Variants in ANAPC5 observed in about 807,000 individuals in gnomAD.
ANAPC5 encodes the protein anaphase promoting complex subunit 5, also known as anaphase-promoting complex subunit 5.
In ANAPC5, 60 loss-of-function variants were observed where a neutral mutation model predicts 91.3. The ratio of observed to expected loss-of-function variants is 0.66; its 90% CI spans 0.53 to 0.81. The LOEUF is 0.81. ANAPC5 is among the 40% of genes least tolerant of loss of function. The pLI is 0.00. For synonymous variants in ANAPC5, 340 were observed against 364.1 expected (o/e 0.93, Z 0.75); for missense variants, 690 against 931.5 (o/e 0.74, Z 3.37).
intron 15 of ANAPC5, among the ~76,000 whole-genome samples, chr12:121,315,723 T>C (rs1056777908): frequency 6.6e-6 from 1 of 152,148 alleles, no homozygotes; most frequent in African/African-American, 2.4e-5. Flanking sequence ...CTTCAACAAA[T>C]GGTGCTAGAA....
intron 5 of ANAPC5, among the ~76,000 whole-genome samples, chr12:121,338,153 G>A (rs1401018033): frequency 1.3e-5 from 2 of 151,544 alleles, no homozygotes; most frequent in African/African-American, 2.4e-5. Context: ...GCTGAGGCAT[G>A]AGTATCGCTT....
chr12:121,321,287 A>G (rs1394444536), intron 11 of ANAPC5, among the ~76,000 whole-genome samples: 5 of 151,838 alleles, frequency 3.3e-5, no homozygotes, highest in Non-Finnish European at 5.9e-5. Context: ...CACGTAAGAC[A>G]TATCCATTCT....
chr12:121,339,751 G>A (rs1312791924), intron 5 of ANAPC5, among the ~76,000 whole-genome samples: 1 of 152,096 alleles, frequency 6.6e-6, no homozygotes, highest in Admixed American at 6.6e-5. Flanking sequence ...TTACAGGCAT[G>A]AGCTGCCACG....
chr12:121,331,454 C>G, intron 7 of ANAPC5, 26 bp from the exon 8 acceptor site: 2 of 1,569,164 alleles, frequency 1.3e-6, no homozygotes, highest in Non-Finnish European at 1.8e-6. Context: ...ACATTAATAT[C>G]CCATTAATAA....
rs1158505610 is a variant in ANAPC5, at chr12:121,337,284, GACTT to G, written c.759+3_759+6del. 1 of 1,608,856 alleles carries G rather than the reference GACTT, an allele frequency of 6.2e-7. No homozygotes were observed. The highest frequency in any genetic ancestry group is 8.5e-7 in the Non-Finnish European group (1 of 1,176,176). On this transcript the variant is annotated splice_donor_5th_base_variant and intron_variant, in intron 6 of 16. Transcript: ENST00000261819. ...CAACACAGCAACAAATTCTGGGAAA[GACTT>G]ACCGCTTCAGCAAAATCAGGATTAA...
At chr12:121,337,739 G>A (rs1421493954) in intron 5 of ANAPC5, among the ~76,000 whole-genome samples, 1 of 152,052 alleles carries the variant, frequency 6.6e-6, no homozygotes, top group African/African-American at 2.4e-5. Context: ...CTAGATGAAG[G>A]TGAGATCCTA....
chr12:121,341,284 A>G (rs1903449359), intron 5 of ANAPC5, among the ~76,000 whole-genome samples: 1 of 152,222 alleles, frequency 6.6e-6, no homozygotes, highest in Non-Finnish European at 1.5e-5. Context: ...AGCCTGGCCA[A>G]TGTGGTGAAA....
At chr12:121,328,111 A>G in intron 10 of ANAPC5, 1 of 506,242 alleles carries the variant, frequency 2.0e-6, no homozygotes, top group South Asian at 2.9e-5. Context: ...AGTGGTTGGG[A>G]GGAGTAAGAA....
chr12:121,341,132 CA>C (rs1385381089), intron 5 of ANAPC5, among the ~76,000 whole-genome samples: 1 of 151,848 alleles, frequency 6.6e-6, no homozygotes, highest in African/African-American at 2.4e-5. Flanking sequence ...CACTGCACTC[CA>C]GCCTCAGTGA....
At chr12:121,348,491 C>T (rs1441313553) in intron 1 of ANAPC5, among the ~76,000 whole-genome samples, 2 of 152,206 alleles carry the variant, frequency 1.3e-5, no homozygotes, top group Admixed American at 6.5e-5. Context: ...ATGGCAAAAC[C>T]CCGTCTCTAC....
intron 5 of ANAPC5, among the ~76,000 whole-genome samples, chr12:121,341,707 T>C (rs1903467319): frequency 6.6e-6 from 1 of 152,192 alleles, no homozygotes; most frequent in South Asian, 2.1e-4. Flanking sequence ...ATGTCTATAA[T>C]AAAATGTTGA....
At chr12:121,313,051 C>A (rs568155935) in intron 15 of ANAPC5, among the ~76,000 whole-genome samples, 1 of 152,140 alleles carries the variant, frequency 6.6e-6, no homozygotes, top group South Asian at 2.1e-4. Flanking sequence ...AGAGGCCGGG[C>A]GCGGTGGTTC....
intron 7 of ANAPC5, chr12:121,331,838 ATGTT>A (rs72157414): frequency 0.041 from 6,419 of 155,034 alleles, 151 homozygotes; most frequent in Middle Eastern, 0.067. Flanking sequence ...AATCACTTTT[ATGTT>A]TGTTTGTTTG....
At chr12:121,316,886 C>G (rs988056867) in intron 15 of ANAPC5, among the ~76,000 whole-genome samples, 8 of 152,046 alleles carry the variant, frequency 5.3e-5, no homozygotes, top group African/African-American at 9.7e-5. Context: ...TCTAACCATA[C>G]AGTGAAATAT....
chr12:121,338,983 G>A (rs1903345885), intron 5 of ANAPC5, among the ~76,000 whole-genome samples: 1 of 150,514 alleles, frequency 6.6e-6, no homozygotes, highest in South Asian at 2.1e-4. Context: ...AATATGATAT[G>A]TAACTTTATT....
chr12:121,311,543 C>T (rs1902166695), intron 15 of ANAPC5, among the ~76,000 whole-genome samples: 1 of 152,058 alleles, frequency 6.6e-6, no homozygotes. Context: ...GACAATTCAA[C>T]AATAATAGGC....
Position 121,327,080 on chromosome 12 carries a change from C to T in ANAPC5, c.1440+16G>A. The T allele has an allele frequency of 6.3e-7, 1 of 1,581,566 alleles. No individual in the cohort carries two copies. The highest frequency in any genetic ancestry group is 8.6e-7 in the Non-Finnish European group (1 of 1,166,988). ...TCCATTGCTCCAGAAGCACGTGGGC[C>T]CGGCCACCTGCCTACCTGCTCCGCG... On this transcript the variant is annotated intron_variant, in intron 11 of 16. Coordinates refer to ENST00000261819, the MANE Select transcript of ANAPC5 (RefSeq NM_016237.5).
rs1902859286 is a variant in ANAPC5 at position 121,327,360 on chromosome 12, A to T, written c.1305-129T>A. 15 of 1,157,698 alleles carry T rather than the reference A, an allele frequency of 1.3e-5. 1 individual carries two copies. The East Asian group carries it at 4.1e-4, about 32-fold the overall frequency. 71.7% of individuals were successfully genotyped at this position (1,157,698 alleles called of 1,614,324 possible). A position where few individuals can be genotyped will look rare whatever the true frequency, so the allele number is the denominator to read the frequency against. On this transcript the variant is annotated intron_variant, in intron 10 of 16. Transcript: ENST00000261819. ...CACAGGCTCTGGCTTTCTTGGGAGC[A>T]GATGCCTCCCAGTGCCAGCAACCTT...
intron 11 of ANAPC5, among the ~76,000 whole-genome samples, chr12:121,325,728 A>C (rs562286226): frequency 2.0e-5 from 3 of 151,962 alleles, no homozygotes; most frequent in Admixed American, 6.5e-5. Context: ...TTAGCTGGGC[A>C]TGGTGGTGGA....
Sources: allele counts gnomAD v4.1 joint callset (sites outside exome capture counted in the v4.1 genomes callset), GRCh38; gene constraint gnomAD v4.1.1; transcripts MANE v1.5; gene names NCBI Gene and HGNC (gene_info 2026-07-23, HGNC 2026-07-21).